The following C3orf70 variants were observed in gnomAD, a reference collection of about 807,000 sequenced individuals.
C3orf70 encodes the protein chromosome 3 open reading frame 70.
C3orf70 carries 15 observed loss-of-function variants against 20.7 expected under a neutral mutation model. The observed-to-expected ratio is 0.72, with a 90% CI of 0.48 to 1.11. The LOEUF (loss-of-function observed/expected upper bound fraction) is 1.11, where lower values mean the gene tolerates loss of function less well. Ranked by LOEUF, C3orf70 falls within the 50% of genes most tolerant of loss-of-function variation. The pLI, the probability that C3orf70 is intolerant of heterozygous loss-of-function variation, is 0.00. For synonymous variants in C3orf70, 161 were observed against 125.7 expected (o/e 1.28, Z -1.88); for missense variants, 332 against 317.6 (o/e 1.05, Z -0.34).
chr3:185,151,014 A>G (rs1205233531), intron 1 of C3orf70, among the ~76,000 whole-genome samples: 1 of 152,234 alleles, frequency 6.6e-6, no homozygotes, highest in African/African-American at 2.4e-5. Context: ...CAAGACATTC[A>G]TATGTATATT....
intron 1 of C3orf70, among the ~76,000 whole-genome samples, chr3:185,091,895 A>C (rs1715579773): frequency 2.0e-5 from 1 of 51,212 alleles, no homozygotes; most frequent in Non-Finnish European, 4.7e-5. Context: ...ATATACACAC[A>C]TACACACACA....
intron 1 of C3orf70, among the ~76,000 whole-genome samples, chr3:185,130,815 A>G (rs1379200625): frequency 6.6e-6 from 1 of 152,256 alleles, no homozygotes; most frequent in Non-Finnish European, 1.5e-5. Flanking sequence ...GCATTGCCAA[A>G]TAATAGTCCA....
chr3:185,140,330 C>T (rs1281713984), intron 1 of C3orf70, among the ~76,000 whole-genome samples: 2 of 152,024 alleles, frequency 1.3e-5, no homozygotes, highest in African/African-American at 2.4e-5. Flanking sequence ...AACCACTAGA[C>T]AAAAGTCTAG....
chr3:185,152,854 G>C lies in C3orf70; in HGVS notation c.-31C>G. On this transcript the variant is annotated 5_prime_UTR_variant, in exon 1 of 2. Coordinates refer to ENST00000335012, the MANE Select transcript of C3orf70 (RefSeq NM_001025266.3). Reference sequence around the variant, plus strand: ...CTCCCTCCGCGCGGAGCCGACACCGGGAGCCCGGGAGAAGCGACGTCTGGG... The same window carrying C: ...CTCCCTCCGCGCGGAGCCGACACCGCGAGCCCGGGAGAAGCGACGTCTGGG... 6.8e-7 allele frequency: 1 copy of C among 1,479,580 alleles called. No homozygotes were observed. Among genetic ancestry groups the C allele is most frequent in the East Asian group, 2.8e-5 (1 of 35,408 alleles). The allele number at this position is 1,479,580 out of a possible 1,614,324, so 91.7% of individuals were successfully genotyped here. A position where few individuals can be genotyped will look rare whatever the true frequency, so the allele number is the denominator to read the frequency against.
At chr3:185,121,036 A>C (rs1716288340) in intron 1 of C3orf70, among the ~76,000 whole-genome samples, 1 of 152,226 alleles carries the variant, frequency 6.6e-6, no homozygotes, top group South Asian at 2.1e-4. Flanking sequence ...TATACGATGG[A>C]ATACTGGTCA....
At chr3:185,129,224 C>T (rs551534944) in intron 1 of C3orf70, among the ~76,000 whole-genome samples, 1 of 152,152 alleles carries the variant, frequency 6.6e-6, no homozygotes, top group Non-Finnish European at 1.5e-5. Context: ...TCCTGGCCCC[C>T]CTCCGTCTGC....
intron 1 of C3orf70, among the ~76,000 whole-genome samples, chr3:185,083,931 G>C (rs571883065): frequency 2.0e-5 from 3 of 152,146 alleles, no homozygotes; most frequent in African/African-American, 7.2e-5. Flanking sequence ...TTGTACAGCC[G>C]GGCGCAGTGG....
At chr3:185,144,979 G>A (rs920813991) in intron 1 of C3orf70, among the ~76,000 whole-genome samples, 2 of 152,164 alleles carry the variant, frequency 1.3e-5, no homozygotes, top group African/African-American at 4.8e-5. Context: ...TCTACCCAAA[G>A]TCACCCTGCA....
At position 185,117,071 on chromosome 3, in the gene C3orf70, G is replaced by A. The variant is rs185021733; in HGVS notation, c.197-33508C>T. 7.1e-4 allele frequency among the ~76,000 whole-genome samples: 108 copies of A among 152,184 alleles called. 1 individual carries two copies. The highest frequency in any genetic ancestry group is 2.6e-3 in the African/African-American group (106 of 41,522). On this transcript the variant is annotated intron_variant, in intron 1 of 1. Coordinates refer to ENST00000335012, the MANE Select transcript of C3orf70 (RefSeq NM_001025266.3). Reference sequence around the variant, plus strand: ...GCTGGGATTACAGGCGTGAGCCACCGCGCCCGGCCTGACCCTCTACATTTT... The same window carrying A: ...GCTGGGATTACAGGCGTGAGCCACCACGCCCGGCCTGACCCTCTACATTTT...
chr3:185,134,095 A>C (rs1227334642), intron 1 of C3orf70, among the ~76,000 whole-genome samples: 1 of 151,744 alleles, frequency 6.6e-6, no homozygotes, highest in East Asian at 1.9e-4. Context: ...TGTCTCAAAA[A>C]GAAAAAGAAA....
chr3:185,148,131 G>A (rs902362002), intron 1 of C3orf70, among the ~76,000 whole-genome samples: 39 of 152,162 alleles, frequency 2.6e-4, no homozygotes, highest in African/African-American at 8.7e-4. Context: ...TACTTCTCAC[G>A]CTACAGTCTC....
chr3:185,085,882 T>C (rs978263301), intron 1 of C3orf70, among the ~76,000 whole-genome samples: 1 of 152,190 alleles, frequency 6.6e-6, no homozygotes, highest in Non-Finnish European at 1.5e-5. Context: ...ACTACTCTTC[T>C]GTCCACAGAG....
rs1715380374 is a variant in C3orf70, at chr3:185,083,062, A to C, written c.698T>G (p.Leu233Arg). ...SSWEPDECTL[L>R]SPSQSDLEVI... Reference sequence around the variant, plus strand: ...TTCCAGGTCAGACTGCGAGGGGGAGAGAAGGGTGCACTCATCCGGTTCCCA... The same window carrying C: ...TTCCAGGTCAGACTGCGAGGGGGAGCGAAGGGTGCACTCATCCGGTTCCCA... The change falls in exon 2 of 2, where the codon CTC (leucine) becomes CGC (arginine). Residue 233 changes from leucine to arginine, a missense_variant. Physicochemically the swap from Leu to Arg is moderately radical, Grantham distance 102. Transcript: ENST00000335012. The C allele has an allele frequency of 3.7e-6, 6 of 1,612,714 alleles. No individual in the cohort carries two copies. Among genetic ancestry groups the C allele is most frequent in the South Asian group, 1.1e-5 (1 of 91,024 alleles).
At chr3:185,143,790 T>A (rs1716802739) in intron 1 of C3orf70, among the ~76,000 whole-genome samples, 1 of 152,196 alleles carries the variant, frequency 6.6e-6, no homozygotes, top group Admixed American at 6.5e-5. Flanking sequence ...ATGTTCAGTT[T>A]CACTTTAACA....
intron 1 of C3orf70, 38 bp downstream of exon 1, chr3:185,152,590 G>A (rs1385069864): frequency 3.6e-5 from 54 of 1,512,318 alleles, no homozygotes; most frequent in Non-Finnish European, 4.4e-5. Flanking sequence ...GCGTCCCCCG[G>A]ACCGCGGCGG....
At chr3:185,120,750 G>A (rs1052267394) in intron 1 of C3orf70, among the ~76,000 whole-genome samples, 4 of 151,124 alleles carry the variant, frequency 2.6e-5, no homozygotes, top group African/African-American at 4.9e-5. Flanking sequence ...GCATGGATGC[G>A]GTGAAAAGGG....
rs1400558543 is a variant in C3orf70 at position 185,081,499 on chromosome 3, G to C, written c.*1508C>G. Reference sequence around the variant, plus strand: ...AATCTCAGAGCACAATGGCCTGAGAGTGCGCTTCTGGATAGTTAGGATGGA... The same window carrying C: ...AATCTCAGAGCACAATGGCCTGAGACTGCGCTTCTGGATAGTTAGGATGGA... On this transcript the variant is annotated 3_prime_UTR_variant, in exon 2 of 2. Transcript: ENST00000335012. 1 of 152,104 alleles carries C rather than the reference G, an allele frequency of 6.6e-6. No homozygotes were observed. The highest frequency in any genetic ancestry group is 1.9e-4 in the East Asian group (1 of 5,190). 9.4% of individuals were successfully genotyped at this position (152,104 alleles called of 1,614,324 possible).
intron 1 of C3orf70, among the ~76,000 whole-genome samples, chr3:185,141,311 A>G (rs965650105): frequency 1.3e-5 from 2 of 152,206 alleles, no homozygotes; most frequent in African/African-American, 4.8e-5. Context: ...TGCTAGTGGG[A>G]ATGTAAAATG....
chr3:185,086,993 G>C (rs1715471293), intron 1 of C3orf70, among the ~76,000 whole-genome samples: 4 of 152,084 alleles, frequency 2.6e-5, no homozygotes, highest in African/African-American at 9.7e-5. Flanking sequence ...TATCCCTGGG[G>C]TATCCTAGGC....
Sources: gnomAD v4.1 joint callset for allele counts (sites outside exome capture counted in the v4.1 genomes callset) on GRCh38, gnomAD v4.1.1 for gene constraint, MANE v1.5 for transcripts, NCBI Gene and HGNC (gene_info 2026-07-23, HGNC 2026-07-21) for gene names.